ANKS1A: variants seen among roughly 807,000 people sequenced by gnomAD.
ANKS1A encodes the protein ankyrin repeat and sterile alpha motif domain containing 1A, also known as ankyrin repeat and SAM domain-containing protein 1A.
In ANKS1A, 55 loss-of-function variants were observed where a neutral mutation model predicts 120.3. That is an observed-to-expected ratio of 0.46 (90% CI 0.37 to 0.57). The LOEUF (loss-of-function observed/expected upper bound fraction) is 0.57, where lower values mean the gene tolerates loss of function less well. Ranked by LOEUF, ANKS1A falls within the 20% of genes least tolerant of loss-of-function variation. The pLI is 0.00. For synonymous variants in ANKS1A, 590 were observed against 604.7 expected (o/e 0.98, Z 0.36); for missense variants, 1,123 against 1,480.3 (o/e 0.76, Z 3.96).
In ANKS1A at chr6:34,994,737, C is replaced by T. The variant is rs527503924; in HGVS notation, c.1423+315C>T. Among the ~76,000 whole-genome samples, 183 of 152,258 alleles carry T rather than the reference C, an allele frequency of 1.2e-3. 1 individual carries two copies. Among genetic ancestry groups the T allele is most frequent in the Middle Eastern group, 6.8e-3 (2 of 292 alleles). On this transcript the variant is annotated intron_variant, in intron 10 of 23. Coordinates refer to ENST00000360359, the MANE Select transcript of ANKS1A (RefSeq NM_015245.3). The stretch of plus-strand genomic sequence containing the variant: ...TGATTTGGGGTCTCAAATCATAAAC[C>T]CTCAAGTTAATGCTGTGGAAAAACA...
In ANKS1A at chr6:34,889,610, G is replaced by T. The variant is rs955647223; in HGVS notation, c.197+11G>T. The T allele has an allele frequency of 4.7e-6, 6 of 1,286,510 alleles. No homozygotes were observed. Among genetic ancestry groups the T allele is most frequent in the Non-Finnish European group, 5.9e-6 (6 of 1,023,138 alleles). 79.7% of individuals were successfully genotyped at this position (1,286,510 alleles called of 1,614,324 possible). On this transcript the variant is annotated intron_variant, in intron 1 of 23. Transcript: ENST00000360359. This position sits in a 1 kb window ranked among gnomAD's most constrained non-coding sequence, Gnocchi z 5.5. ...CTCCAGTCTGCTCAGGTGGGTACGC[G>T]CCAGGGCCGGGCCGCTGCCTGCAGA...
intron 12 of ANKS1A, among the ~76,000 whole-genome samples, chr6:35,054,851 C>A (rs1459845055): frequency 6.6e-6 from 1 of 152,210 alleles, no homozygotes; most frequent in Non-Finnish European, 1.5e-5. Context: ...CTTAAAGATG[C>A]CTCTCAGAGC....
chr6:34,975,848 C>T lies in ANKS1A; in HGVS notation c.435+5682C>T, dbSNP rs147570698. Among the ~76,000 whole-genome samples, 7 of 151,966 alleles carry T rather than the reference C, an allele frequency of 4.6e-5. No individual in the cohort carries two copies. In the East Asian group the frequency reaches 1.2e-3, roughly 25 times the overall value. ...CCTTCTTGAGCTGATTCAAATCTAA[C>T]CTCCTTTGACCAGGCATGGTGACTC... On this transcript the variant is annotated intron_variant, in intron 3 of 23. Transcript: ENST00000360359.
rs965753339 is a variant in ANKS1A at position 34,982,441 on chromosome 6, T to C, written c.733-311T>C. On this transcript the variant is annotated intron_variant, in intron 4 of 23. Transcript: ENST00000360359. The surrounding 1 kb of genome is among the most constrained non-coding windows in gnomAD (Gnocchi z 4.9). Reference sequence around the variant, plus strand: ...CACATTTGAAGTGAGGGTGTTTCTGTTGTACTTTTCTTCTTATTACTCCTT... The same window carrying C: ...CACATTTGAAGTGAGGGTGTTTCTGCTGTACTTTTCTTCTTATTACTCCTT... Among the ~76,000 whole-genome samples the C allele has an allele frequency of 2.0e-5, 3 of 152,204 alleles. No individual in the cohort carries two copies. The highest frequency in any genetic ancestry group is 4.4e-5 in the Non-Finnish European group (3 of 68,038).
chr6:34,960,139 T>C (rs1428648941), intron 1 of ANKS1A, among the ~76,000 whole-genome samples: 1 of 152,212 alleles, frequency 6.6e-6, no homozygotes, highest in Non-Finnish European at 1.5e-5. Context: ...TGTTTGATGC[T>C]ACTCTGCCTG....
rs1467215655 is a variant in ANKS1A at position 35,085,732 on chromosome 6, C to T, written c.3133-34C>T. The T allele has an allele frequency of 1.9e-6, 3 of 1,545,482 alleles. No individual in the cohort carries two copies. Among genetic ancestry groups the T allele is most frequent in the Non-Finnish European group, 1.7e-6 (2 of 1,146,362 alleles). On this transcript the variant is annotated intron_variant, in intron 21 of 23. Transcript: ENST00000360359. This position sits in a 1 kb window ranked among gnomAD's most constrained non-coding sequence, Gnocchi z 4.7. The stretch of plus-strand genomic sequence containing the variant: ...TATCCAGTGTGAAGCGGCTCCTGAA[C>T]CAGGTGCTTAAGTGGTGATCTGCTT...
chr6:35,086,142 CCT>C lies in ANKS1A; in HGVS notation c.3303+207_3303+208del. The C allele has an allele frequency of 2.5e-6, 3 of 1,182,232 alleles. No individual in the cohort carries two copies. Among genetic ancestry groups the C allele is most frequent in the Non-Finnish European group, 3.5e-6 (3 of 855,248 alleles). The allele number at this position is 1,182,232 out of a possible 1,614,324, so 73.2% of individuals were successfully genotyped here. ...CTGGCCTGGGCGGGCCTCTCATGCTCCTGTTTCCCTCCCTCGCTGGGCTCCCC... is the reference window on the plus strand; with the variant it reads ...CTGGCCTGGGCGGGCCTCTCATGCTCGTTTCCCTCCCTCGCTGGGCTCCCC... On this transcript the variant is annotated intron_variant, in intron 22 of 23. Coordinates refer to ENST00000360359, the MANE Select transcript of ANKS1A (RefSeq NM_015245.3). The surrounding 1 kb of genome is among the most constrained non-coding windows in gnomAD (Gnocchi z 5.1).
intron 10 of ANKS1A, among the ~76,000 whole-genome samples, chr6:35,014,734 A>T (rs1428138308): frequency 6.6e-6 from 1 of 152,240 alleles, no homozygotes; most frequent in Non-Finnish European, 1.5e-5. Flanking sequence ...ACAAAGCAGT[A>T]GAAGCCTGTG....
chr6:35,088,055 G>A (rs1031690505), intron 23 of ANKS1A, among the ~76,000 whole-genome samples: 2 of 152,242 alleles, frequency 1.3e-5, no homozygotes, highest in Non-Finnish European at 2.9e-5. Context: ...CCTGGACCAA[G>A]TGGCCTCCAT....
At chr6:34,991,020 C>A (rs1293044704) in intron 9 of ANKS1A, among the ~76,000 whole-genome samples, 1 of 152,124 alleles carries the variant, frequency 6.6e-6, no homozygotes, top group Non-Finnish European at 1.5e-5. Context: ...ACTTTGTTGT[C>A]TTTCCCTGTC....
At position 35,079,370 on chromosome 6, in the gene ANKS1A, G is replaced by C. The variant is rs776981364; in HGVS notation, c.2284-146G>C. On this transcript the variant is annotated intron_variant, in intron 14 of 23. Transcript: ENST00000360359. ...CAGCAAGTGATAGGAAAGGCTGTGC[G>C]AAGTGGGGGGCTGGAAGGTGCTGAG... is the stretch of plus-strand genomic sequence containing the variant. 4.3e-6 allele frequency: 4 copies of C among 919,808 alleles called. No individual in the cohort carries two copies. In the South Asian group the frequency reaches 7.0e-5, roughly 16 times the overall value. 57.0% of individuals were successfully genotyped at this position (919,808 alleles called of 1,614,324 possible). A position where few individuals can be genotyped will look rare whatever the true frequency, so the allele number is the denominator to read the frequency against.
intron 13 of ANKS1A, among the ~76,000 whole-genome samples, chr6:35,064,401 G>A (rs2127593800): frequency 6.6e-6 from 1 of 152,338 alleles, no homozygotes; most frequent in African/African-American, 2.4e-5. Context: ...GCAGGCTCCT[G>A]CTACGTGGCA....
intron 10 of ANKS1A, among the ~76,000 whole-genome samples, chr6:35,012,733 A>G (rs1276942227): frequency 6.6e-6 from 1 of 152,230 alleles, no homozygotes; most frequent in Non-Finnish European, 1.5e-5. Flanking sequence ...CTCACAGGGT[A>G]TAAGGAAAAT....
intron 23 of ANKS1A, among the ~76,000 whole-genome samples, chr6:35,088,296 G>A (rs150361038): frequency 2.0e-5 from 3 of 152,184 alleles, no homozygotes; most frequent in Admixed American, 6.5e-5. Flanking sequence ...AGGAAGCGGC[G>A]CCCATAGGCA....
At chr6:34,952,154 T>G (rs180960716) in intron 1 of ANKS1A, among the ~76,000 whole-genome samples, 98 of 152,284 alleles carry the variant, frequency 6.4e-4, no homozygotes, top group African/African-American at 2.3e-3. Context: ...CGTCCATGCT[T>G]GTCAATTTCC....
Position 34,889,284 on chromosome 6 carries a change from A to C in ANKS1A, c.-119A>C, listed in dbSNP as rs1766664468. ...ACGCGCTCGTGGGGAAAAGGCAGGG[A>C]GGGGGTGGTGTCCCCAGCCGGTTTG... On this transcript the variant is annotated 5_prime_UTR_variant, in exon 1 of 24. Transcript: ENST00000360359. The surrounding 1 kb of genome is among the most constrained non-coding windows in gnomAD (Gnocchi z 5.5). 8.3e-7 allele frequency: 1 copy of C among 1,200,552 alleles called. No individual in the cohort carries two copies. Among genetic ancestry groups the C allele is most frequent in the Admixed American group, 4.3e-5 (1 of 23,166 alleles). The allele number at this position is 1,200,552 out of a possible 1,614,324, so 74.4% of individuals were successfully genotyped here. A position where few individuals can be genotyped will look rare whatever the true frequency, so the allele number is the denominator to read the frequency against.
At chr6:34,980,472 A>G (rs565827757) in intron 3 of ANKS1A, among the ~76,000 whole-genome samples, 1 of 152,358 alleles carries the variant, frequency 6.6e-6, no homozygotes, top group South Asian at 2.1e-4. Context: ...TCAAAAGCAG[A>G]TGGAATTGCA....
At chr6:34,979,595 G>A (rs183511416) in intron 3 of ANKS1A, among the ~76,000 whole-genome samples, 3 of 147,000 alleles carry the variant, frequency 2.0e-5, no homozygotes, top group South Asian at 4.3e-4. Flanking sequence ...TGTTTTTTTG[G>A]TTTTTTTTTT....
At chr6:35,074,100 G>C (rs1387768458) in intron 13 of ANKS1A, among the ~76,000 whole-genome samples, 1 of 152,282 alleles carries the variant, frequency 6.6e-6, no homozygotes, top group African/African-American at 2.4e-5. Context: ...CAAAGGGCCT[G>C]TCTCCGGCGG....
Sources: allele counts gnomAD v4.1 joint callset (sites outside exome capture counted in the v4.1 genomes callset), GRCh38; gene constraint gnomAD v4.1.1; non-coding constraint Gnocchi (gnomAD v3.1); transcripts MANE v1.5; gene names NCBI Gene and HGNC (gene_info 2026-07-23, HGNC 2026-07-21).